IRF2: variants seen among roughly 807,000 people sequenced by gnomAD.
The protein encoded by IRF2 is interferon regulatory factor 2.
Under a neutral mutation model 40.6 loss-of-function variants are expected in IRF2, and 15 were observed. The observed-to-expected ratio is 0.37, with a 90% CI of 0.25 to 0.57. The LOEUF is 0.57. Among genes scored for constraint, IRF2 ranks in the 20% least tolerant of loss-of-function variants. The probability of loss-of-function intolerance (pLI) is 0.77; values close to 1 mark genes in which losing one functional copy is unlikely to be tolerated. For synonymous variants in IRF2, 151 were observed against 165.5 expected, an observed-to-expected ratio of 0.91 and a Z score of 0.67; for missense variants, 317 against 455.7, an observed-to-expected ratio of 0.70 and a Z score of 2.77.
At chr4:184,436,240 G>T (rs1738072638) in intron 1 of IRF2, among the ~76,000 whole-genome samples, 1 of 152,180 alleles carries the variant, frequency 6.6e-6, no homozygotes, top group Non-Finnish European at 1.5e-5. Context: ...CTCCCAAAGT[G>T]CTGGGATTAC....
chr4:184,427,945 C>T (rs529673380), intron 2 of IRF2, among the ~76,000 whole-genome samples: 1 of 152,272 alleles, frequency 6.6e-6, no homozygotes, highest in East Asian at 1.9e-4. Context: ...CAGAACTGTT[C>T]TGGTAGGAGA....
chr4:184,418,650 T>C lies in IRF2; in HGVS notation c.246A>G (p.Arg82=), dbSNP rs370144090. ...PDPKTWKANF[R]CAMNSLPDIE... is the part of the protein sequence containing the mutation. ...TATCAGGCAAGGAATTCATGGCGCA[T>C]CTGAAATTCGCCTTCCATGTTTTGG... The change falls in exon 4 of 9, where the codon AGA becomes AGG. Residue 82 remains arginine, a synonymous_variant. Coordinates refer to ENST00000393593, the MANE Select transcript of IRF2 (RefSeq NM_002199.4). 1.4e-5 allele frequency: 22 copies of C among 1,614,048 alleles called. No individual in the cohort carries two copies. Among genetic ancestry groups the C allele is most frequent in the Non-Finnish European group, 1.9e-5 (22 of 1,179,990 alleles).
intron 1 of IRF2, among the ~76,000 whole-genome samples, chr4:184,467,465 T>C (rs1251995470): frequency 6.6e-6 from 1 of 152,244 alleles, no homozygotes; most frequent in African/African-American, 2.4e-5. Context: ...ATCACCACTG[T>C]AATTTTTCTC....
rs1217404995 is a variant in IRF2 at position 184,462,535 on chromosome 4, A to G, written c.-7+11844T>C. On this transcript the variant is annotated intron_variant, in intron 1 of 8. Transcript: ENST00000393593. The stretch of plus-strand genomic sequence containing the variant: ...GTTGTGGGCTGTGTTTGTTAATAAC[A>G]AAGTTATTGTTAACAAAGAACCCAT... Among the ~76,000 whole-genome samples, 3 of 152,252 alleles carry G rather than the reference A, an allele frequency of 2.0e-5. No individual in the cohort carries two copies. In the East Asian group the frequency reaches 5.8e-4, roughly 29 times the overall value.
At chr4:184,438,838 C>T (rs1434523276) in intron 1 of IRF2, among the ~76,000 whole-genome samples, 1 of 152,146 alleles carries the variant, frequency 6.6e-6, no homozygotes, top group Admixed American at 6.5e-5. Flanking sequence ...GATAACAGGA[C>T]CCCCTATATG....
chr4:184,433,466 C>T (rs1737964948), intron 1 of IRF2, among the ~76,000 whole-genome samples: 1 of 152,220 alleles, frequency 6.6e-6, no homozygotes, highest in Non-Finnish European at 1.5e-5. Context: ...CTCACTTACG[C>T]AACATGCCTG....
chr4:184,466,396 T>C (rs1739333151), intron 1 of IRF2, among the ~76,000 whole-genome samples: 1 of 152,310 alleles, frequency 6.6e-6, no homozygotes, highest in South Asian at 2.1e-4. Context: ...CCCATTCTAT[T>C]TCCCTGATTC....
chr4:184,452,770 C>CAAAAAAAAAAAAAAAAAAAAAAAA (rs530415114), intron 1 of IRF2, among the ~76,000 whole-genome samples: 10 of 53,820 alleles, frequency 1.9e-4, no homozygotes, highest in African/African-American at 3.1e-4. Flanking sequence ...GACCCTGTCT[C>CAAAAAAAAAAAAAAAAAAAAAAAA]AAAAAAAAAA....
Position 184,388,854 on chromosome 4 carries a change from G to C in IRF2, c.954C>G (p.Thr318=). 6.2e-7 allele frequency: 1 copy of C among 1,614,098 alleles called. No individual in the cohort carries two copies. The highest frequency in any genetic ancestry group is 1.7e-5 in the Admixed American group (1 of 60,018). The change falls in exon 9 of 9, where the codon ACC becomes ACG. Residue 318 remains threonine, a synonymous_variant. Transcript: ENST00000393593. This position sits in a 1 kb window ranked among gnomAD's most constrained non-coding sequence, Gnocchi z 4.6. ...CTGGCCGACTGCTGCTGGATGCTGG[G>C]GTCATGGAGGAAGAAAGGGGGAGGT... ...FQDLPLSSSM[T]PASSSSRPDR...
At chr4:184,439,313 TAAA>T (rs35943221) in intron 1 of IRF2, among the ~76,000 whole-genome samples, 3 of 96,176 alleles carry the variant, frequency 3.1e-5, no homozygotes, top group Non-Finnish European at 4.4e-5. Flanking sequence ...CTTAAAACTT[TAAA>T]AAAAAAAAAA....
chr4:184,421,129 C>T (rs793771), intron 2 of IRF2, among the ~76,000 whole-genome samples: 2,597 of 152,266 alleles, frequency 0.017, 83 homozygotes, highest in African/African-American at 0.059. Context: ...AGGGAGTTTC[C>T]ACCACTTCAG....
chr4:184,427,891 A>G (rs1737727337), intron 2 of IRF2, among the ~76,000 whole-genome samples: 1 of 152,214 alleles, frequency 6.6e-6, no homozygotes, highest in Non-Finnish European at 1.5e-5. Flanking sequence ...TAAGATTAAA[A>G]AAGAAAAGGG....
chr4:184,440,574 C>T (rs751796593), intron 1 of IRF2, among the ~76,000 whole-genome samples: 25 of 152,234 alleles, frequency 1.6e-4, no homozygotes, highest in African/African-American at 5.5e-4. Context: ...GGCTGGAGAA[C>T]CTCGCAGCAG....
In IRF2 at chr4:184,408,386, C is replaced by G. The variant is rs962876077; in HGVS notation, c.412-111G>C. 26 of 728,062 alleles carry G rather than the reference C, an allele frequency of 3.6e-5. No individual in the cohort carries two copies. Among genetic ancestry groups the G allele is most frequent in the African/African-American group, 7.0e-5 (4 of 56,790 alleles). The allele number at this position is 728,062 out of a possible 1,614,324, so 45.1% of individuals were successfully genotyped here. On this transcript the variant is annotated intron_variant, in intron 5 of 8. Transcript: ENST00000393593. The surrounding 1 kb of genome is among the most constrained non-coding windows in gnomAD (Gnocchi z 4.9). ...CTTTAATGCTAGGGTCATTCATGTT[C>G]AGCTGCCGAATACATTCATCCCCTG... is the stretch of plus-strand genomic sequence containing the variant.
At chr4:184,466,819 T>C (rs151306606) in intron 1 of IRF2, among the ~76,000 whole-genome samples, 54 of 152,366 alleles carry the variant, frequency 3.5e-4, no homozygotes, top group African/African-American at 1.3e-3. Flanking sequence ...CCCAGGTTTA[T>C]GGTATGGCCT....
chr4:184,397,358 T>TA (rs1259985250), intron 7 of IRF2, among the ~76,000 whole-genome samples: 8 of 152,086 alleles, frequency 5.3e-5, no homozygotes, highest in African/African-American at 1.9e-4. Context: ...AAAGAGGACT[T>TA]AGTGTTTAAT....
At chr4:184,438,493 G>A (rs1250925162) in intron 1 of IRF2, among the ~76,000 whole-genome samples, 1 of 152,172 alleles carries the variant, frequency 6.6e-6, no homozygotes, top group Middle Eastern at 3.2e-3. Context: ...ATATTATACT[G>A]GTCCTGGGGT....
At chr4:184,418,409 A>G in intron 4 of IRF2, 123 bp downstream of exon 4, 2 of 1,007,714 alleles carry the variant, frequency 2.0e-6, no homozygotes, top group East Asian at 2.4e-5. Context: ...GGGCGGAATG[A>G]TCCCCTACAG....
chr4:184,436,616 G>T (rs768878999), intron 1 of IRF2, among the ~76,000 whole-genome samples: 35 of 152,120 alleles, frequency 2.3e-4, no homozygotes, highest in Non-Finnish European at 4.0e-4. Flanking sequence ...AAAGCTTTAT[G>T]GTAAAGGAAG....
Sources: allele counts gnomAD v4.1 joint callset (sites outside exome capture counted in the v4.1 genomes callset), GRCh38; gene constraint gnomAD v4.1.1; non-coding constraint Gnocchi (gnomAD v3.1); transcripts MANE v1.5; gene names NCBI Gene and HGNC (gene_info 2026-07-23, HGNC 2026-07-21).